The following BAZ2B variants were observed in gnomAD, a reference collection of about 807,000 sequenced individuals.
The protein encoded by BAZ2B is bromodomain adjacent to zinc finger domain 2B, also known as bromodomain adjacent to zinc finger domain protein 2B.
In BAZ2B, 91 loss-of-function variants were observed where a neutral mutation model predicts 246.0. The ratio of observed to expected loss-of-function variants is 0.37; its 90% CI spans 0.31 to 0.44. The LOEUF (loss-of-function observed/expected upper bound fraction) is 0.44, where lower values mean the gene tolerates loss of function less well. Ranked by LOEUF, BAZ2B falls within the 20% of genes least tolerant of loss-of-function variation. The pLI is 1.00. For missense variants in BAZ2B, 2,332 were observed against 2,533.7 expected (o/e 0.92, Z 1.71); for synonymous variants, 855 against 860.0 (o/e 0.99, Z 0.10).
intron 25 of BAZ2B, among the ~76,000 whole-genome samples, chr2:159,379,819 A>T (rs969196427): frequency 6.6e-6 from 1 of 152,166 alleles, no homozygotes; most frequent in Non-Finnish European, 1.5e-5. Context: ...AAGGGAAAAG[A>T]GTTCTTTCTA....
intron 10 of BAZ2B, among the ~76,000 whole-genome samples, chr2:159,429,677 C>G (rs1011106927): frequency 1.3e-4 from 20 of 152,214 alleles, no homozygotes; most frequent in African/African-American, 4.3e-4. Flanking sequence ...GATTTAATTT[C>G]TATGTCCATA....
chr2:159,430,901 C>A lies in BAZ2B; in HGVS notation c.2156G>T (p.Gly719Val), dbSNP rs866796203. Residue 719 changes from glycine (G) to valine (V), a missense_variant, in exon 10 of 37, where the codon GGT becomes GTT. Transcript: ENST00000392783. The stretch of plus-strand genomic sequence containing the variant: ...TGAAGTAAGTGTGGAAGAAGATGTA[C>A]CAAGAAAAGCAGGTGACTGGGATTC... ...CSESQSPAFL[G>V]TSSSTLTSSP... 2 of 1,613,640 alleles carry A rather than the reference C, an allele frequency of 1.2e-6. No homozygotes were observed. The highest frequency in any genetic ancestry group is 1.7e-6 in the Non-Finnish European group (2 of 1,179,826).
rs2062444984 is a variant in BAZ2B at position 159,319,356 on chromosome 2, A to G, written c.*909T>C. On this transcript the variant is annotated 3_prime_UTR_variant, in exon 37 of 37. Coordinates refer to ENST00000392783, the MANE Select transcript of BAZ2B (RefSeq NM_013450.4). The surrounding 1 kb of genome is among the most constrained non-coding windows in gnomAD (Gnocchi z 4.0). ...AACAAAATAGAAAAATGGAAAACTA[A>G]TATCCCCTACACCCTGTTTCAAAGG... 2.0e-5 allele frequency: 3 copies of G among 152,610 alleles called. No homozygotes were observed. Among genetic ancestry groups the G allele is most frequent in the Non-Finnish European group, 4.4e-5 (3 of 68,032 alleles). The allele number at this position is 152,610 out of a possible 1,614,324, so 9.5% of individuals were successfully genotyped here.
At chr2:159,667,241 A>G in the BAZ2B span, among the ~76,000 whole-genome samples, 5 of 151,412 alleles carry the variant, frequency 3.3e-5, no homozygotes, top group South Asian at 2.1e-4. Context: ...TTTCTTCAAT[A>G]TAAGATAGGA....
chr2:159,490,010 T>C (rs1484494526), intron 2 of BAZ2B, among the ~76,000 whole-genome samples: 1 of 152,214 alleles, frequency 6.6e-6, no homozygotes. Flanking sequence ...AAGCTGAAGC[T>C]TGGAATTACA....
At chr2:159,430,290 A>G (rs757564304) in intron 10 of BAZ2B, among the ~76,000 whole-genome samples, 4 of 152,224 alleles carry the variant, frequency 2.6e-5, no homozygotes, top group Non-Finnish European at 4.4e-5. Flanking sequence ...GAAGATCTTT[A>G]TAATGATCCA....
At chr2:159,658,798 C>T in the BAZ2B span, among the ~76,000 whole-genome samples, 90 of 152,146 alleles carry the variant, frequency 5.9e-4, no homozygotes, top group Non-Finnish European at 1.0e-3. Flanking sequence ...TGATTACAGG[C>T]GTGAACCACT....
At chr2:159,371,778 T>C (rs2060879944) in intron 27 of BAZ2B, among the ~76,000 whole-genome samples, 1 of 152,216 alleles carries the variant, frequency 6.6e-6, no homozygotes, top group Admixed American at 6.5e-5. Context: ...CCAAACATTA[T>C]GACAAAATGT....
chr2:159,610,672 G>T (rs1694531710), intron 1 of BAZ2B, among the ~76,000 whole-genome samples: 2 of 152,088 alleles, frequency 1.3e-5, no homozygotes, highest in South Asian at 4.1e-4. Context: ...TCCCCAATAT[G>T]CAATAGTTTT....
At chr2:159,704,555 T>C in the BAZ2B span, among the ~76,000 whole-genome samples, 1 of 146,300 alleles carries the variant, frequency 6.8e-6, no homozygotes, top group South Asian at 2.2e-4. Flanking sequence ...CAATCTCAGC[T>C]CACTGCGACC....
chr2:159,710,054 G>C, the BAZ2B span, among the ~76,000 whole-genome samples: 2 of 152,110 alleles, frequency 1.3e-5, no homozygotes, highest in Non-Finnish European at 2.9e-5. Flanking sequence ...GGAACTCTGT[G>C]GATAAAAGGC....
chr2:159,406,167 T>C (rs1559296445), intron 14 of BAZ2B, among the ~76,000 whole-genome samples: 1 of 152,208 alleles, frequency 6.6e-6, no homozygotes, highest in Non-Finnish European at 1.5e-5. Context: ...AACTCAACCA[T>C]GTGATTTTCC....
At chr2:159,500,418 T>C (rs547749581) in intron 2 of BAZ2B, among the ~76,000 whole-genome samples, 1 of 152,344 alleles carries the variant, frequency 6.6e-6, no homozygotes, top group South Asian at 2.1e-4. Flanking sequence ...TTGGTTACTG[T>C]AGCCTTGTAG....
At chr2:159,689,436 A>T in the BAZ2B span, 1 of 233,168 alleles carries the variant, frequency 4.3e-6, no homozygotes, top group Admixed American at 6.6e-5. Context: ...CAGTGGCACG[A>T]TCTCGGCTCA....
intron 2 of BAZ2B, among the ~76,000 whole-genome samples, chr2:159,506,208 G>A (rs1453553681): frequency 6.6e-6 from 1 of 152,030 alleles, no homozygotes; most frequent in Non-Finnish European, 1.5e-5. Context: ...CCTGGGTAAG[G>A]CTCTCTACCC....
intron 34 of BAZ2B, among the ~76,000 whole-genome samples, chr2:159,331,547 T>C (rs1171649530): frequency 2.0e-5 from 3 of 152,048 alleles, no homozygotes; most frequent in African/African-American, 7.2e-5. Context: ...GGCTAAAATT[T>C]TGTATTTTTA....
intron 2 of BAZ2B, among the ~76,000 whole-genome samples, chr2:159,507,582 A>C (rs1166952881): frequency 1.3e-5 from 2 of 152,136 alleles, no homozygotes; most frequent in African/African-American, 4.8e-5. Context: ...GATTAATATG[A>C]CTTCGGAAAA....
At chr2:159,448,444 A>C in intron 4 of BAZ2B, 35 bp from the exon 5 acceptor site, 1 of 1,514,912 alleles carries the variant, frequency 6.6e-7, no homozygotes, top group Non-Finnish European at 8.8e-7. Flanking sequence ...ACAAAAATAT[A>C]TAAATTAACT....
chr2:159,348,594 T>G, intron 30 of BAZ2B, 84 bp downstream of exon 30: 2 of 1,451,784 alleles, frequency 1.4e-6, no homozygotes, highest in Non-Finnish European at 1.8e-6. Flanking sequence ...GAAGGACCAA[T>G]AGACTGTACT....
Sources: allele counts gnomAD v4.1 joint callset (sites outside exome capture counted in the v4.1 genomes callset), GRCh38; gene constraint gnomAD v4.1.1; non-coding constraint Gnocchi (gnomAD v3.1); transcripts MANE v1.5; gene names NCBI Gene and HGNC (gene_info 2026-07-23, HGNC 2026-07-21).